The following MYO3A variants were observed in gnomAD, a reference collection of about 807,000 sequenced individuals.
The protein encoded by MYO3A is myosin IIIA.
MYO3A carries 180 observed loss-of-function variants against 192.7 expected under a neutral mutation model. The ratio of observed to expected loss-of-function variants is 0.93; its 90% CI spans 0.83 to 1.06. The LOEUF (loss-of-function observed/expected upper bound fraction) is 1.06. Ranked by LOEUF, MYO3A falls within the 50% of genes least tolerant of loss-of-function variation. The pLI is 0.00. For missense variants in MYO3A, 1,896 were observed against 1,905.0 expected, an observed-to-expected ratio of 1.00 and a Z score of 0.09; for synonymous variants, 628 against 645.3, an observed-to-expected ratio of 0.97 and a Z score of 0.41.
At chr10:26,015,370 C>G (rs377603828) in intron 6 of MYO3A, among the ~76,000 whole-genome samples, 11 of 152,186 alleles carry the variant, frequency 7.2e-5, no homozygotes, top group African/African-American at 2.4e-4. Context: ...GATGATTTTC[C>G]TAATCTTCTT....
chr10:26,195,691 T>G (rs1843375272), intron 32 of MYO3A, among the ~76,000 whole-genome samples: 1 of 152,232 alleles, frequency 6.6e-6, no homozygotes, highest in South Asian at 2.1e-4. Flanking sequence ...ACATGCCCTT[T>G]TCTCAGCCTA....
chr10:26,182,476 T>G (rs1842658769), intron 31 of MYO3A, among the ~76,000 whole-genome samples: 1 of 152,200 alleles, frequency 6.6e-6, no homozygotes, highest in African/African-American at 2.4e-5. Context: ...TTATGAAGTA[T>G]GAGCGGAGGG....
At chr10:25,985,237 CAAA>C (rs1157598256) in intron 4 of MYO3A, among the ~76,000 whole-genome samples, 119 of 79,828 alleles carry the variant, frequency 1.5e-3, no homozygotes, top group African/African-American at 5.5e-3. Context: ...GACTCTGTCT[CAAA>C]AAAAAAAAAA....
At chr10:26,043,557 C>G (rs1240706768) in intron 10 of MYO3A, among the ~76,000 whole-genome samples, 3 of 152,126 alleles carry the variant, frequency 2.0e-5, no homozygotes, top group Non-Finnish European at 4.4e-5. Flanking sequence ...TCTTACCTCC[C>G]CTTTCCACAG....
intron 17 of MYO3A, among the ~76,000 whole-genome samples, chr10:26,105,437 G>A (rs546685771): frequency 3.3e-5 from 5 of 152,044 alleles, no homozygotes; most frequent in South Asian, 4.2e-4. Flanking sequence ...TTAAATTTGC[G>A]TATCCTTGAC....
rs145105686 is a variant in MYO3A, at chr10:26,028,122, A to T, written c.953+1590A>T. Among the ~76,000 whole-genome samples the T allele has an allele frequency of 9.7e-4, 147 of 152,318 alleles. 1 individual carries two copies. The East Asian group carries it at 0.021, about 22-fold the overall frequency. On this transcript the variant is annotated intron_variant, in intron 10 of 34. Coordinates refer to ENST00000642920, the MANE Select transcript of MYO3A (RefSeq NM_017433.5). Reference sequence around the variant, plus strand: ...TTGTTTAATGCCTACTATGTGCCAGATTTTGTATTAGGACTTCATTATGTT... The same window carrying T: ...TTGTTTAATGCCTACTATGTGCCAGTTTTTGTATTAGGACTTCATTATGTT...
At chr10:26,037,016 A>G (rs1393146437) in intron 10 of MYO3A, among the ~76,000 whole-genome samples, 1 of 152,218 alleles carries the variant, frequency 6.6e-6, no homozygotes, top group Non-Finnish European at 1.5e-5. Context: ...CCTGCCGTCT[A>G]TTAGTCTTGC....
At chr10:26,209,706 G>A (rs1416709443) in intron 34 of MYO3A, among the ~76,000 whole-genome samples, 1 of 152,128 alleles carries the variant, frequency 6.6e-6, no homozygotes, top group Admixed American at 6.5e-5. Flanking sequence ...TCTCCCTGCT[G>A]ACTTTTCTCA....
rs770742082 is a variant in MYO3A at position 26,070,221 on chromosome 10, A to G, written c.1275+6A>G. Reference sequence around the variant, plus strand: ...TAACATATAATTCAGATCAGGTAAGAAGAGTCTCCCATTCTTAGAAATTTA... The same window carrying G: ...TAACATATAATTCAGATCAGGTAAGGAGAGTCTCCCATTCTTAGAAATTTA... On this transcript the variant is annotated splice_donor_region_variant and intron_variant, in intron 13 of 34. Transcript: ENST00000642920. 2 of 1,604,364 alleles carry G rather than the reference A, an allele frequency of 1.2e-6. No individual in the cohort carries two copies. The highest frequency in any genetic ancestry group is 2.2e-5 in the South Asian group (2 of 90,850).
At chr10:25,947,389 CTTTTTTTTTTTT>C (rs869281200) in intron 2 of MYO3A, among the ~76,000 whole-genome samples, 6 of 91,858 alleles carry the variant, frequency 6.5e-5, no homozygotes, top group South Asian at 8.1e-4. Context: ...TTTTCTTTTT[CTTTTTTTTTTTT>C]TTTTTTTTTG....
At chr10:26,067,614 TTA>T (rs1255945034) in intron 11 of MYO3A, among the ~76,000 whole-genome samples, 1 of 152,182 alleles carries the variant, frequency 6.6e-6, no homozygotes, top group Non-Finnish European at 1.5e-5. Flanking sequence ...TTCACACAGC[TTA>T]TCTTTCGGGG....
At chr10:25,954,097 A>G (rs185786279) in intron 3 of MYO3A, among the ~76,000 whole-genome samples, 3 of 152,212 alleles carry the variant, frequency 2.0e-5, no homozygotes, top group Admixed American at 2.0e-4. Flanking sequence ...TCTGACTTCA[A>G]CTTCTCAGGG....
intron 12 of MYO3A, 45 bp from the exon 13 acceptor site, chr10:26,070,066 A>G (rs1209794985): frequency 7.1e-7 from 1 of 1,416,170 alleles, no homozygotes; most frequent in Non-Finnish European, 9.9e-7. Flanking sequence ...CAGGACTTAA[A>G]TAAAAACAAA....
Position 26,174,358 on chromosome 10 carries a change from A to C in MYO3A, c.4094A>C (p.Gln1365Pro), listed in dbSNP as rs528252728. 35 of 1,614,212 alleles carry C rather than the reference A, an allele frequency of 2.2e-5. No homozygotes were observed. In the East Asian group the frequency reaches 7.1e-4, roughly 33 times the overall value. ...TACCGGGGTTACAAGAGAAGGCAGC[A>C]GTTGAGGAAGGACAAGATGTCTTCT... ...SKYRGYKRRQ[Q>P]LRKDKMSSFK... The change falls in exon 30 of 35, where the codon CAG becomes CCG. Residue 1365 changes from glutamine (Q) to proline (P), a missense_variant. Coordinates refer to ENST00000642920, the MANE Select transcript of MYO3A (RefSeq NM_017433.5).
chr10:26,164,352 T>C (rs1272020354), intron 26 of MYO3A, among the ~76,000 whole-genome samples: 2 of 148,668 alleles, frequency 1.3e-5, no homozygotes, highest in Admixed American at 1.4e-4. Flanking sequence ...GGAGATGGCC[T>C]CTAGAACACA....
intron 26 of MYO3A, among the ~76,000 whole-genome samples, chr10:26,160,112 A>G (rs1483389841): frequency 1.3e-5 from 2 of 152,298 alleles, no homozygotes; most frequent in Non-Finnish European, 2.9e-5. Flanking sequence ...AAATAGTAAT[A>G]TAGATATTAT....
chr10:25,949,856 C>G (rs914274291), intron 2 of MYO3A, among the ~76,000 whole-genome samples: 1 of 151,956 alleles, frequency 6.6e-6, no homozygotes, highest in Non-Finnish European at 1.5e-5. Context: ...ACCGTATTTT[C>G]TAGGTACAGA....
chr10:25,985,686 T>A (rs113871738), intron 4 of MYO3A, among the ~76,000 whole-genome samples: 14,552 of 151,672 alleles, frequency 0.096, 1,234 homozygotes, highest in African/African-American at 0.22. Flanking sequence ...AAGCAGCAAG[T>A]TTGAAATGGT....
intron 17 of MYO3A, among the ~76,000 whole-genome samples, chr10:26,103,607 G>T (rs1837612647): frequency 6.6e-6 from 1 of 152,072 alleles, no homozygotes; most frequent in South Asian, 2.1e-4. Flanking sequence ...GCAACATTTG[G>T]GTTGTTTTTG....
Sources: allele counts gnomAD v4.1 joint callset (sites outside exome capture counted in the v4.1 genomes callset), GRCh38; gene constraint gnomAD v4.1.1; transcripts MANE v1.5; gene names NCBI Gene and HGNC (gene_info 2026-07-23, HGNC 2026-07-21).